Variants in CYRIB observed in about 807,000 individuals in gnomAD.
CYRIB encodes the protein CYFIP-related Rac1 interactor B.
A neutral mutation model predicts 44.2 loss-of-function variants in CYRIB; 8 were observed. That is an observed-to-expected ratio of 0.18 (90% CI 0.11 to 0.33). CYRIB has a LOEUF of 0.33. Among genes scored for constraint, CYRIB ranks in the 10% least tolerant of loss-of-function variants. CYRIB has a pLI of 1.00. For synonymous variants in CYRIB, 131 were observed against 127.2 expected (o/e 1.03, Z -0.20); for missense variants, 185 against 382.8 (o/e 0.48, Z 4.31).
chr8:129,952,117 C>A (rs983925920), intron 2 of CYRIB, among the ~76,000 whole-genome samples: 1 of 152,230 alleles, frequency 6.6e-6, no homozygotes, highest in Non-Finnish European at 1.5e-5. Context: ...GCAATCTCGG[C>A]TTACCGCAAC....
chr8:129,867,480 A>G (rs1430560099), intron 4 of CYRIB, among the ~76,000 whole-genome samples: 1 of 151,932 alleles, frequency 6.6e-6, no homozygotes, highest in Non-Finnish European at 1.5e-5. Context: ...GACATATTAC[A>G]TTAATGGAAA....
rs180827639 is a variant in CYRIB, at chr8:129,957,712, T to A, written c.-243+13231A>T. 2.9e-3 allele frequency among the ~76,000 whole-genome samples: 442 copies of A among 152,158 alleles called. 4 individuals are homozygous for A. Among genetic ancestry groups the A allele is most frequent in the African/African-American group, 0.01 (427 of 41,522 alleles). ...CCGGCGTGGTGGCACATGCCTGTAA[T>A]CCCAGCACTTTGGGAGGCCGAAGCA... is the stretch of plus-strand genomic sequence containing the variant. On this transcript the variant is annotated intron_variant, in intron 2 of 14. Transcript: ENST00000401979.
intron 1 of CYRIB, among the ~76,000 whole-genome samples, chr8:130,000,120 G>T (rs2096875237): frequency 6.6e-6 from 1 of 152,122 alleles, no homozygotes; most frequent in African/African-American, 2.4e-5. Context: ...GCAAGTAGCT[G>T]AGTTCATTCT....
intron 1 of CYRIB, among the ~76,000 whole-genome samples, chr8:129,928,325 A>G (rs2089247923): frequency 7.4e-6 from 1 of 135,802 alleles, no homozygotes; most frequent in Admixed American, 7.2e-5. Flanking sequence ...ATCTCTTAAG[A>G]AAAAAAAAAA....
chr8:129,924,661 C>G (rs1298829209), intron 1 of CYRIB, among the ~76,000 whole-genome samples: 1 of 152,120 alleles, frequency 6.6e-6, no homozygotes, highest in African/African-American at 2.4e-5. Flanking sequence ...TAAAAACAAT[C>G]TGACTTTTAA....
intron 2 of CYRIB, chr8:129,947,785 AT>A (rs565258417): frequency 1.7e-4 from 26 of 152,300 alleles, no homozygotes; most frequent in African/African-American, 6.3e-4. Context: ...AAAATGGTTC[AT>A]TTACTGAATT....
chr8:129,839,731 G>A (rs1463496085), exon 12 of CYRIB: 1 of 152,158 alleles, frequency 6.6e-6, no homozygotes, highest in Non-Finnish European at 1.5e-5. Context: ...TACAAAAACA[G>A]ACGGTGAGTA....
At position 129,954,892 on chromosome 8, in the gene CYRIB, C is replaced by T. The variant is rs2094710775; in HGVS notation, c.-243+16051G>A. The stretch of plus-strand genomic sequence containing the variant: ...AGGGTAAAAGTAGGTAAATTAATTG[C>T]TGTCCTTATTTGGCCCTTACTACAC... On this transcript the variant is annotated intron_variant, in intron 2 of 14. Coordinates refer to the CYRIB transcript ENST00000401979. 2.0e-5 allele frequency among the ~76,000 whole-genome samples: 3 copies of T among 152,174 alleles called. No individual in the cohort carries two copies. In the South Asian group the frequency reaches 6.2e-4, roughly 31 times the overall value.
At chr8:129,870,359 G>A (rs2056634791) in intron 4 of CYRIB, among the ~76,000 whole-genome samples, 1 of 152,232 alleles carries the variant, frequency 6.6e-6, no homozygotes, top group Non-Finnish European at 1.5e-5. Flanking sequence ...GTAGTGAGCT[G>A]TGGTTGCACC....
In CYRIB at chr8:129,846,880, G is replaced by T; in HGVS notation, c.841-6C>A. On this transcript the variant is annotated splice_region_variant and splice_polypyrimidine_tract_variant and intron_variant, in intron 10 of 11. Coordinates refer to ENST00000519824, the Ensembl canonical transcript of CYRIB. ...ACTTTGATACAACCTTTCATCTAAA[G>T]AAAAAGAAAACAGAAAAGGTAAAAC... 1 of 1,566,262 alleles carries T rather than the reference G, an allele frequency of 6.4e-7. No individual in the cohort carries two copies. The highest frequency in any genetic ancestry group is 1.7e-4 in the Middle Eastern group (1 of 5,826).
chr8:129,943,049 T>C (rs7003166), upstream of CYRIB, among the ~76,000 whole-genome samples: 12,000 of 151,194 alleles, frequency 0.079, 818 homozygotes, highest in African/African-American at 0.19. Flanking sequence ...CACTCAATCA[T>C]TGATTCACTC....
intron 1 of CYRIB, among the ~76,000 whole-genome samples, chr8:129,938,427 C>A (rs1312346590): frequency 6.6e-6 from 1 of 152,204 alleles, no homozygotes; most frequent in Non-Finnish European, 1.5e-5. Flanking sequence ...ACTTAAAACA[C>A]ACAAAATTCA....
At chr8:129,907,060 G>A (rs1035267957) in intron 1 of CYRIB, among the ~76,000 whole-genome samples, 3 of 152,096 alleles carry the variant, frequency 2.0e-5, no homozygotes, top group Admixed American at 6.5e-5. Context: ...CAGGGATCTA[G>A]AACTAGAAAT....
At chr8:129,988,868 T>C (rs1168833314) in intron 1 of CYRIB, among the ~76,000 whole-genome samples, 1 of 152,022 alleles carries the variant, frequency 6.6e-6, no homozygotes, top group Admixed American at 6.6e-5. Flanking sequence ...AGAAAACTTC[T>C]CTCAACGCTG....
intron 1 of CYRIB, among the ~76,000 whole-genome samples, chr8:129,979,927 A>G (rs1189035927): frequency 2.0e-5 from 3 of 152,172 alleles, no homozygotes; most frequent in African/African-American, 7.2e-5. Context: ...ACCTCAAAAA[A>G]TAAAATAAAA....
intron 1 of CYRIB, among the ~76,000 whole-genome samples, chr8:129,975,653 C>T (rs1371518051): frequency 6.6e-6 from 1 of 152,190 alleles, no homozygotes; most frequent in Non-Finnish European, 1.5e-5. Flanking sequence ...TGCTTCATTC[C>T]ATAATTATTC....
In CYRIB at chr8:129,965,248, C is replaced by CTGTGTGTGTGTG. The variant is rs3077879; in HGVS notation, c.-243+5683_-243+5694dup. On this transcript the variant is annotated intron_variant, in intron 2 of 14. Coordinates refer to the CYRIB transcript ENST00000401979. ...GAGATATACAGAATTCCCCCAGACA[C>CTGTGTGTGTGTG]TGTGTGTGTGTGTGTGTGTGTGTGT... is the stretch of plus-strand genomic sequence containing the variant. Among the ~76,000 whole-genome samples the CTGTGTGTGTGTG allele has an allele frequency of 1.9e-3, 278 of 148,784 alleles. 1 individual carries two copies. The highest frequency in any genetic ancestry group is 6.0e-3 in the African/African-American group (241 of 40,406).
intron 2 of CYRIB, among the ~76,000 whole-genome samples, chr8:129,946,153 T>A (rs1369076557): frequency 6.6e-6 from 1 of 152,248 alleles, no homozygotes; most frequent in Admixed American, 6.5e-5. Context: ...CAGCGTAAGC[T>A]CCCTGGATTG....
At chr8:129,884,062 C>T (rs183027180) in intron 2 of CYRIB, among the ~76,000 whole-genome samples, 308 of 152,288 alleles carry the variant, frequency 2.0e-3, no homozygotes, top group African/African-American at 6.7e-3. Context: ...AGTGCAAGGT[C>T]TCAAAGAGTG....
Sources: allele counts gnomAD v4.1 joint callset (sites outside exome capture counted in the v4.1 genomes callset), GRCh38; gene constraint gnomAD v4.1.1; transcripts MANE v1.5; gene names NCBI Gene and HGNC (gene_info 2026-07-23, HGNC 2026-07-21).